Variants in RORA observed in about 807,000 individuals in gnomAD.
RORA encodes RAR related orphan receptor A, also known as nuclear receptor ROR-alpha.
A neutral mutation model predicts 69.5 loss-of-function variants in RORA; 7 were observed. The ratio of observed to expected loss-of-function variants is 0.10; its 90% confidence interval spans 0.06 to 0.19. The LOEUF (loss-of-function observed/expected upper bound fraction) is 0.19, where lower values mean the gene tolerates loss of function less well. Among genes scored for constraint, RORA ranks in the 10% least tolerant of loss-of-function variants. The pLI, the probability that RORA is intolerant of heterozygous loss-of-function variation, is 1.00. For missense variants in RORA, 457 were observed against 663.0 expected, an observed-to-expected ratio of 0.69 and a Z score of 3.41; for synonymous variants, 261 against 240.8, an observed-to-expected ratio of 1.08 and a Z score of -0.78.
chr15:60,592,252 TG>T, intron 2 of RORA: 2 of 529,940 alleles, frequency 3.8e-6, no homozygotes, highest in South Asian at 9.1e-5. Context: ...CAGAAGGCCC[TG>T]GCAGGGCCCC....
intron 1 of RORA, among the ~76,000 whole-genome samples, chr15:60,819,086 A>C (rs1191557189): frequency 6.6e-6 from 1 of 152,224 alleles, no homozygotes; most frequent in Non-Finnish European, 1.5e-5. Flanking sequence ...TCTACATCTA[A>C]ATATCCCCTC....
At position 60,900,413 on chromosome 15, in the gene RORA, G is replaced by C. The variant is rs114249031; in HGVS notation, c.167-221727C>G. Among the ~76,000 whole-genome samples the C allele has an allele frequency of 1.4e-3, 216 of 152,280 alleles. 1 individual carries two copies. The highest frequency in any genetic ancestry group is 4.9e-3 in the African/African-American group (204 of 41,560). ...ACATTGATGTTGAAAAATGTGGATTGCTATTTTAATACTGCTGTCATAACA... is the reference window on the plus strand; with the variant it reads ...ACATTGATGTTGAAAAATGTGGATTCCTATTTTAATACTGCTGTCATAACA... On this transcript the variant is annotated intron_variant, in intron 1 of 10. Transcript: ENST00000335670.
At chr15:61,172,096 T>C (rs113045735) in intron 1 of RORA, among the ~76,000 whole-genome samples, 3 of 152,102 alleles carry the variant, frequency 2.0e-5, no homozygotes, top group African/African-American at 4.8e-5. Context: ...ATATATATTG[T>C]AGACATCTGA....
At chr15:60,885,259 CAT>C (rs1000837210) in intron 1 of RORA, among the ~76,000 whole-genome samples, 2 of 152,234 alleles carry the variant, frequency 1.3e-5, no homozygotes, top group African/African-American at 4.8e-5. Context: ...TGATCTTCCA[CAT>C]GAGAAGTCCA....
intron 1 of RORA, among the ~76,000 whole-genome samples, chr15:60,944,106 T>A (rs984139290): frequency 1.3e-5 from 2 of 152,010 alleles, no homozygotes; most frequent in Non-Finnish European, 2.9e-5. Flanking sequence ...GAGTTGTCCA[T>A]CTGTCAAAGA....
intron 1 of RORA, among the ~76,000 whole-genome samples, chr15:61,173,638 A>G (rs985688635): frequency 6.6e-6 from 1 of 152,162 alleles, no homozygotes; most frequent in Non-Finnish European, 1.5e-5. Flanking sequence ...AAATCAAAAT[A>G]CGGAATGACA....
At chr15:61,137,014 A>T (rs1042519299) in intron 1 of RORA, among the ~76,000 whole-genome samples, 3 of 148,250 alleles carry the variant, frequency 2.0e-5, no homozygotes, top group Non-Finnish European at 3.0e-5. Flanking sequence ...CTAAAAAATA[A>T]ATAAAAAAGA....
At chr15:60,623,606 A>G (rs1386857306) in intron 2 of RORA, among the ~76,000 whole-genome samples, 1 of 152,162 alleles carries the variant, frequency 6.6e-6, no homozygotes, top group Non-Finnish European at 1.5e-5. Context: ...GGATATAAGC[A>G]CAAGTGGCCT....
intron 1 of RORA, among the ~76,000 whole-genome samples, chr15:60,844,457 C>A (rs1169910898): frequency 6.6e-6 from 1 of 152,160 alleles, no homozygotes; most frequent in Non-Finnish European, 1.5e-5. Context: ...AGGCCCCCAA[C>A]CAGCCAGTTT....
chr15:60,875,197 C>T (rs2073600185), intron 1 of RORA, among the ~76,000 whole-genome samples: 1 of 152,082 alleles, frequency 6.6e-6, no homozygotes, highest in African/African-American at 2.4e-5. Flanking sequence ...ATTCCCAGCA[C>T]CTAGAACAGT....
intron 1 of RORA, among the ~76,000 whole-genome samples, chr15:60,866,929 G>A (rs1286610691): frequency 5.3e-5 from 8 of 152,092 alleles, no homozygotes; most frequent in African/African-American, 1.2e-4. Context: ...GCAGTGGTGC[G>A]ATCTTGGCTC....
intron 1 of RORA, among the ~76,000 whole-genome samples, chr15:60,932,384 A>C (rs114298498): frequency 1.4e-3 from 215 of 152,302 alleles, no homozygotes; most frequent in African/African-American, 5.1e-3. Context: ...TAATTCCTTC[A>C]GATATCACAG....
chr15:61,000,112 T>A (rs1251321632), intron 1 of RORA, among the ~76,000 whole-genome samples: 1 of 152,182 alleles, frequency 6.6e-6, no homozygotes, highest in Non-Finnish European at 1.5e-5. Flanking sequence ...TTAACAGATG[T>A]AAAATTATAG....
chr15:60,870,357 G>A (rs953522356), intron 1 of RORA, among the ~76,000 whole-genome samples: 7 of 152,154 alleles, frequency 4.6e-5, no homozygotes, highest in African/African-American at 1.7e-4. Flanking sequence ...TAAGAGCTAT[G>A]GACAGCGATT....
chr15:60,854,919 C>T (rs1350960985), intron 1 of RORA, among the ~76,000 whole-genome samples: 1 of 152,228 alleles, frequency 6.6e-6, no homozygotes, highest in Non-Finnish European at 1.5e-5. Flanking sequence ...AACTCAGAAT[C>T]GCCCAACATA....
At chr15:61,150,837 C>T (rs899198571) in intron 1 of RORA, among the ~76,000 whole-genome samples, 1 of 152,164 alleles carries the variant, frequency 6.6e-6, no homozygotes, top group African/African-American at 2.4e-5. Context: ...ATTGCCATTT[C>T]TCTACTTATC....
intron 2 of RORA, among the ~76,000 whole-genome samples, chr15:60,581,638 A>G (rs867453765): frequency 2.6e-5 from 4 of 152,030 alleles, no homozygotes; most frequent in African/African-American, 9.7e-5. Context: ...TTCTTTTCAA[A>G]CTCCTTTATC....
chr15:60,716,171 T>C (rs538261690), intron 1 of RORA, among the ~76,000 whole-genome samples: 1 of 152,320 alleles, frequency 6.6e-6, no homozygotes, highest in South Asian at 2.1e-4. Context: ...TTCCAGCCCA[T>C]GGACTAAACT....
At chr15:61,055,354 A>G (rs979086857) in intron 1 of RORA, among the ~76,000 whole-genome samples, 1 of 152,206 alleles carries the variant, frequency 6.6e-6, no homozygotes, top group Non-Finnish European at 1.5e-5. Context: ...TGGAGTAAGC[A>G]TGGCTTCACT....
Sources: allele counts gnomAD v4.1 joint callset (sites outside exome capture counted in the v4.1 genomes callset), GRCh38; gene constraint gnomAD v4.1.1; transcripts MANE v1.5; gene names NCBI Gene and HGNC (gene_info 2026-07-23, HGNC 2026-07-21).